The following CENPK variants were observed in gnomAD, a reference collection of about 807,000 sequenced individuals.
The protein encoded by CENPK is SoxLZ/Sox6-binding protein Solt.
CENPK carries 46 observed loss-of-function variants against 40.9 expected under a neutral mutation model. The ratio of observed to expected loss-of-function variants is 1.13; its 90% CI spans 0.89 to 1.44. The LOEUF (loss-of-function observed/expected upper bound fraction) is 1.44, where lower values mean the gene tolerates loss of function less well. Among genes scored for constraint, CENPK ranks in the 40% most tolerant of loss-of-function variants. CENPK has a pLI of 0.00. For synonymous variants in CENPK, 107 were observed against 104.4 expected (o/e 1.02, Z -0.15); for missense variants, 288 against 303.5 (o/e 0.95, Z 0.38).
chr5:65,515,360 G>A (rs1742789204), downstream of CENPK, among the ~76,000 whole-genome samples: 1 of 151,682 alleles, frequency 6.6e-6, no homozygotes, highest in African/African-American at 2.4e-5. Context: ...CTGCCATCAC[G>A]CCCGGCTAAT....
chr5:65,542,667 T>A (rs184944035), intron 6 of CENPK, 135 bp downstream of exon 6: 1 of 619,684 alleles, frequency 1.6e-6, no homozygotes, highest in Non-Finnish European at 2.6e-6. Flanking sequence ...TTATGTTCAA[T>A]AAAACATAAA....
intron 2 of CENPK, chr5:65,561,161 G>T (rs879827192): frequency 5.7e-5 from 10 of 174,750 alleles, no homozygotes; most frequent in Non-Finnish European, 1.2e-4. Context: ...TTAACAATTT[G>T]AATGTCAACT....
chr5:65,560,073 C>T (rs530608276), intron 2 of CENPK, among the ~76,000 whole-genome samples: 1 of 151,824 alleles, frequency 6.6e-6, no homozygotes, highest in South Asian at 2.1e-4. Flanking sequence ...AGGATGAAAA[C>T]ACAGAAACTT....
At chr5:65,561,236 A>G (rs261253) in intron 2 of CENPK, 149,425 of 252,540 alleles carry the variant, frequency 0.59, 45,074 homozygotes, top group Non-Finnish European at 0.63. Flanking sequence ...CAAAGCCAAA[A>G]TCAGTCATCA....
At chr5:65,527,750 C>T (rs1744982673) in intron 9 of CENPK, among the ~76,000 whole-genome samples, 1 of 151,584 alleles carries the variant, frequency 6.6e-6, no homozygotes, top group Admixed American at 6.6e-5. Flanking sequence ...AAGCAAAAAA[C>T]CACCCACAAT....
chr5:65,554,982 G>A, intron 2 of CENPK, 36 bp from the exon 3 acceptor site: 1 of 872,850 alleles, frequency 1.1e-6, no homozygotes, highest in East Asian at 2.4e-5. Flanking sequence ...CAGCAGTATT[G>A]GTTGAACACT....
the CENPK span, among the ~76,000 whole-genome samples, chr5:65,511,247 T>C: frequency 2.0e-5 from 3 of 152,070 alleles, no homozygotes; most frequent in South Asian, 6.2e-4. Context: ...CTCCATAACA[T>C]AAAAGCGCAA....
At chr5:65,535,581 T>A (rs929203212) in intron 6 of CENPK, among the ~76,000 whole-genome samples, 1 of 152,194 alleles carries the variant, frequency 6.6e-6, no homozygotes, top group African/African-American at 2.4e-5. Flanking sequence ...AAGGCTCAAG[T>A]GAGATTCTCT....
chr5:65,529,621 G>GGACT (rs1745383855), intron 6 of CENPK: 1 of 157,672 alleles, frequency 6.3e-6, no homozygotes, highest in Non-Finnish European at 1.4e-5. Context: ...TGAGTAGCTG[G>GGACT]GACTACAGGT....
the CENPK span, among the ~76,000 whole-genome samples, chr5:65,496,562 G>T: frequency 6.6e-6 from 1 of 152,016 alleles, no homozygotes; most frequent in South Asian, 2.1e-4. Flanking sequence ...TACATAAAAT[G>T]CATACGTAAA....
chr5:65,498,329 G>A, the CENPK span, among the ~76,000 whole-genome samples: 8 of 151,838 alleles, frequency 5.3e-5, no homozygotes, highest in Admixed American at 5.2e-4. Context: ...TATGTTTTTT[G>A]TACGTGATTG....
the CENPK span, among the ~76,000 whole-genome samples, chr5:65,496,953 AG>A: frequency 6.6e-6 from 1 of 152,058 alleles, no homozygotes; most frequent in Admixed American, 6.6e-5. Flanking sequence ...GGTACTCGGG[AG>A]GCTGAGGCAG....
the CENPK span, among the ~76,000 whole-genome samples, chr5:65,505,311 A>G: frequency 6.6e-6 from 1 of 152,092 alleles, no homozygotes; most frequent in African/African-American, 2.4e-5. Flanking sequence ...ATCTTTGAAT[A>G]CTTTCTCTTT....
chr5:65,532,155 A>C (rs1211646092), intron 6 of CENPK, among the ~76,000 whole-genome samples: 1 of 152,194 alleles, frequency 6.6e-6, no homozygotes, highest in Non-Finnish European at 1.5e-5. Flanking sequence ...AAATTCTTTG[A>C]GAGACATAAA....
chr5:65,543,733 T>C (rs184642706), intron 5 of CENPK, among the ~76,000 whole-genome samples: 9 of 152,342 alleles, frequency 5.9e-5, no homozygotes, highest in Admixed American at 2.6e-4. Context: ...GTAAGCAGAC[T>C]TTTATACACG....
the CENPK span, among the ~76,000 whole-genome samples, chr5:65,506,573 T>C: frequency 6.6e-6 from 1 of 151,890 alleles, no homozygotes; most frequent in African/African-American, 2.4e-5. Flanking sequence ...CACTTGAGGT[T>C]AGAAGTTCAA....
chr5:65,504,868 T>C, the CENPK span, among the ~76,000 whole-genome samples: 1 of 152,214 alleles, frequency 6.6e-6, no homozygotes, highest in African/African-American at 2.4e-5. Context: ...GTTATATCTG[T>C]TAACTCTTAT....
the CENPK span, among the ~76,000 whole-genome samples, chr5:65,497,685 T>G: frequency 6.6e-6 from 1 of 152,112 alleles, no homozygotes; most frequent in Non-Finnish European, 1.5e-5. Context: ...TAGAAGTCTG[T>G]CTACTGTAAA....
chr5:65,529,346 A>G (rs1745309616), intron 6 of CENPK, 147 bp from the exon 7 acceptor site: 1 of 580,358 alleles, frequency 1.7e-6, no homozygotes, highest in Admixed American at 3.4e-5. Flanking sequence ...GAAAAGGTAA[A>G]TATACAGTAG....
Sources: gnomAD v4.1 joint callset for allele counts (sites outside exome capture counted in the v4.1 genomes callset) on GRCh38, gnomAD v4.1.1 for gene constraint, MANE v1.5 for transcripts, NCBI Gene and HGNC (gene_info 2026-07-23, HGNC 2026-07-21) for gene names.